RSRC1: variants seen among roughly 807,000 people sequenced by gnomAD.
RSRC1 encodes arginine and serine rich coiled-coil 1, also known as serine/Arginine-related protein 53.
A neutral mutation model predicts 49.1 loss-of-function variants in RSRC1; 39 were observed. The observed-to-expected ratio is 0.79, with a 90% confidence interval of 0.61 to 1.04. The LOEUF is 1.04. Ranked by LOEUF, RSRC1 falls within the 50% of genes least tolerant of loss-of-function variation. The probability of loss-of-function intolerance (pLI) is 0.00; values close to 1 mark genes in which losing one functional copy is unlikely to be tolerated. For synonymous variants in RSRC1, 143 were observed against 130.8 expected (o/e 1.09, Z -0.63); for missense variants, 388 against 402.4 (o/e 0.96, Z 0.31).
chr3:158,475,899 G>A (rs112512805), intron 7 of RSRC1, among the ~76,000 whole-genome samples: 22 of 152,250 alleles, frequency 1.4e-4, no homozygotes, highest in African/African-American at 4.8e-4. Flanking sequence ...TAGTGAGGAA[G>A]GCATGTCAAA....
intron 5 of RSRC1, among the ~76,000 whole-genome samples, chr3:158,322,161 T>C (rs1728799580): frequency 6.6e-6 from 1 of 152,218 alleles, no homozygotes; most frequent in Non-Finnish European, 1.5e-5. Flanking sequence ...AACTGATTTC[T>C]TGATTTTTTG....
chr3:158,171,259 C>T (rs1177465634), intron 3 of RSRC1, among the ~76,000 whole-genome samples: 2 of 152,150 alleles, frequency 1.3e-5, no homozygotes, highest in African/African-American at 4.8e-5. Flanking sequence ...ACAACAAAAT[C>T]AACATTCTAC....
chr3:158,244,831 A>G (rs775433476), intron 4 of RSRC1, among the ~76,000 whole-genome samples: 15 of 151,962 alleles, frequency 9.9e-5, no homozygotes, highest in Non-Finnish European at 1.8e-4. Flanking sequence ...CAGAGATTCA[A>G]ACTCTTACTG....
At chr3:158,293,918 A>G (rs1727086005) in intron 4 of RSRC1, among the ~76,000 whole-genome samples, 1 of 151,984 alleles carries the variant, frequency 6.6e-6, no homozygotes, top group Admixed American at 6.6e-5. Flanking sequence ...TCCTTTGTGT[A>G]GGGGTCTCCT....
At chr3:158,266,960 C>T (rs1221920559) in intron 4 of RSRC1, among the ~76,000 whole-genome samples, 6 of 152,120 alleles carry the variant, frequency 3.9e-5, no homozygotes, top group East Asian at 1.9e-4. Flanking sequence ...GACACTGTTT[C>T]GCTGTGTTGC....
At chr3:158,327,172 T>C (rs1167031179) in intron 5 of RSRC1, among the ~76,000 whole-genome samples, 2 of 152,150 alleles carry the variant, frequency 1.3e-5, no homozygotes, top group African/African-American at 2.4e-5. Context: ...TGTTGATCGT[T>C]TCAAAAAACC....
chr3:158,364,816 A>AAATAATAATAAT (rs59055843), intron 6 of RSRC1, among the ~76,000 whole-genome samples: 11,082 of 144,088 alleles, frequency 0.077, 481 homozygotes, highest in Middle Eastern at 0.11. Context: ...AGAATGGGAA[A>AAATAATAATAAT]AATAATAATA....
chr3:158,284,221 CTCA>C (rs1300664541), intron 4 of RSRC1, among the ~76,000 whole-genome samples: 1 of 151,854 alleles, frequency 6.6e-6, no homozygotes, highest in Non-Finnish European at 1.5e-5. Flanking sequence ...AGGACATGAA[CTCA>C]TCATTTTTTA....
At chr3:158,493,831 T>C (rs892782704) in intron 7 of RSRC1, among the ~76,000 whole-genome samples, 1 of 152,188 alleles carries the variant, frequency 6.6e-6, no homozygotes, top group Non-Finnish European at 1.5e-5. Context: ...TATATCCTTA[T>C]ATTAGGCTTT....
intron 1 of RSRC1, among the ~76,000 whole-genome samples, chr3:158,116,816 T>C (rs778377580): frequency 5.4e-4 from 82 of 152,180 alleles, no homozygotes; most frequent in Middle Eastern, 3.2e-3. Flanking sequence ...TAAGCTTCTA[T>C]AGGGAAAGGA....
intron 5 of RSRC1, among the ~76,000 whole-genome samples, chr3:158,311,914 G>A (rs1728151776): frequency 6.6e-6 from 1 of 151,834 alleles, no homozygotes; most frequent in African/African-American, 2.4e-5. Context: ...TTCTTTAAAA[G>A]ATAGTTAAGC....
At chr3:158,450,588 A>T (rs911695539) in intron 6 of RSRC1, among the ~76,000 whole-genome samples, 15 of 152,044 alleles carry the variant, frequency 9.9e-5, no homozygotes, top group Admixed American at 7.2e-4. Context: ...CTGTGCATGT[A>T]AAGAATGAGG....
At chr3:158,145,005 G>A (rs13060716) in intron 3 of RSRC1, among the ~76,000 whole-genome samples, 58,076 of 151,846 alleles carry the variant, frequency 0.38, 11,900 homozygotes, top group East Asian at 0.62. Context: ...AAATTTGTTT[G>A]AGTTCTTTGT....
intron 4 of RSRC1, among the ~76,000 whole-genome samples, chr3:158,209,888 C>T (rs982398769): frequency 7.2e-5 from 11 of 152,068 alleles, no homozygotes; most frequent in African/African-American, 2.7e-4. Flanking sequence ...AGTAATCATA[C>T]TTTATAGATA....
chr3:158,164,402 T>G (rs1201449863), intron 3 of RSRC1, among the ~76,000 whole-genome samples: 1 of 152,094 alleles, frequency 6.6e-6, no homozygotes, highest in East Asian at 1.9e-4. Context: ...AATTTGATTT[T>G]TTAAATATTA....
intron 5 of RSRC1, among the ~76,000 whole-genome samples, chr3:158,308,271 G>T (rs1192681383): frequency 6.6e-6 from 1 of 151,984 alleles, no homozygotes; most frequent in African/African-American, 2.4e-5. Context: ...CGCAATTTCA[G>T]TAATTTGATC....
intron 4 of RSRC1, among the ~76,000 whole-genome samples, chr3:158,214,481 G>T (rs1337494032): frequency 6.6e-6 from 1 of 150,812 alleles, no homozygotes; most frequent in Non-Finnish European, 1.5e-5. Flanking sequence ...GAGTTTATTT[G>T]TACATGTTTT....
At chr3:158,176,110 C>T (rs1208638370) in intron 3 of RSRC1, among the ~76,000 whole-genome samples, 1 of 152,080 alleles carries the variant, frequency 6.6e-6, no homozygotes, top group Non-Finnish European at 1.5e-5. Flanking sequence ...TGAAGGACCT[C>T]TTCAAGGAGA....
chr3:158,221,116 A>G (rs534882511), intron 4 of RSRC1, among the ~76,000 whole-genome samples: 3 of 151,718 alleles, frequency 2.0e-5, no homozygotes, highest in Admixed American at 6.6e-5. Flanking sequence ...TAAAAAGAGA[A>G]TATTTATAAT....
Sources: gnomAD v4.1 joint callset for allele counts (sites outside exome capture counted in the v4.1 genomes callset) on GRCh38, gnomAD v4.1.1 for gene constraint, MANE v1.5 for transcripts, NCBI Gene and HGNC (gene_info 2026-07-23, HGNC 2026-07-21) for gene names.